YAF2: variants seen among roughly 807,000 people sequenced by gnomAD.
YAF2 encodes the protein YY1 associated factor 2, also known as YY1-associated factor 2.
A neutral mutation model predicts 20.1 loss-of-function variants in YAF2; 7 were observed. That is an observed-to-expected ratio of 0.35 (90% confidence interval 0.20 to 0.65). The LOEUF (loss-of-function observed/expected upper bound fraction) is 0.65. Among genes scored for constraint, YAF2 ranks in the 30% least tolerant of loss-of-function variants. The pLI, the probability that YAF2 is intolerant of heterozygous loss-of-function variation, is 0.69. For synonymous variants in YAF2, 74 were observed against 76.0 expected, an observed-to-expected ratio of 0.97 and a Z score of 0.14; for missense variants, 151 against 219.2, an observed-to-expected ratio of 0.69 and a Z score of 1.96.
At chr12:42,212,004 G>A (rs933430586) in intron 2 of YAF2, among the ~76,000 whole-genome samples, 2 of 151,634 alleles carry the variant, frequency 1.3e-5, no homozygotes, top group East Asian at 1.9e-4. Flanking sequence ...AGCCAAGATC[G>A]TGCCTGGGAG....
chr12:42,192,921 T>C (rs913833441), intron 2 of YAF2, among the ~76,000 whole-genome samples: 5 of 152,244 alleles, frequency 3.3e-5, no homozygotes, highest in African/African-American at 9.6e-5. Flanking sequence ...CAAATACTTA[T>C]CACCTAGTGA....
At chr12:42,213,307 A>G (rs1305502270) in intron 2 of YAF2, among the ~76,000 whole-genome samples, 1 of 152,224 alleles carries the variant, frequency 6.6e-6, no homozygotes, top group Non-Finnish European at 1.5e-5. Flanking sequence ...CAACCACATG[A>G]GTGAGCTTGC....
intron 3 of YAF2, 152 bp from the exon 4 acceptor site, chr12:42,160,978 T>C: frequency 1.6e-6 from 1 of 623,938 alleles, no homozygotes; most frequent in Non-Finnish European, 2.7e-6. Flanking sequence ...TCATAAAATG[T>C]TTCAACTCAT....
intron 2 of YAF2, among the ~76,000 whole-genome samples, chr12:42,173,117 G>T (rs867654227): frequency 6.6e-6 from 1 of 152,060 alleles, no homozygotes; most frequent in Non-Finnish European, 1.5e-5. Context: ...ACTAGAGATG[G>T]GGTCTCGCTC....
intron 2 of YAF2, among the ~76,000 whole-genome samples, chr12:42,169,320 T>C (rs189393854): frequency 8.5e-5 from 13 of 152,318 alleles, no homozygotes; most frequent in African/African-American, 3.1e-4. Flanking sequence ...TTCTCAGTCA[T>C]CTTATATCTA....
chr12:42,217,931 G>A (rs2067404020), intron 2 of YAF2, among the ~76,000 whole-genome samples: 1 of 152,096 alleles, frequency 6.6e-6, no homozygotes, highest in Non-Finnish European at 1.5e-5. Context: ...GTAGAGGGCA[G>A]AAGAAACAGC....
chr12:42,190,181 A>G (rs542868982), intron 2 of YAF2, among the ~76,000 whole-genome samples: 2 of 152,230 alleles, frequency 1.3e-5, no homozygotes, highest in South Asian at 2.1e-4. Flanking sequence ...CATCTCTACA[A>G]AAAATTTTAG....
intron 2 of YAF2, among the ~76,000 whole-genome samples, chr12:42,214,032 C>T (rs1246336599): frequency 6.6e-6 from 1 of 152,222 alleles, no homozygotes; most frequent in Admixed American, 6.5e-5. Context: ...ATTCTCCTTA[C>T]AGAAGCCACA....
At chr12:42,170,747 G>C (rs921682704) in intron 2 of YAF2, among the ~76,000 whole-genome samples, 1 of 152,124 alleles carries the variant, frequency 6.6e-6, no homozygotes. Context: ...TGGGAGTAAG[G>C]GACAGGAGGA....
chr12:42,230,261 AAAAGAAAGAGAAG>A (rs916975406), intron 2 of YAF2, among the ~76,000 whole-genome samples: 2 of 151,820 alleles, frequency 1.3e-5, no homozygotes, highest in African/African-American at 4.9e-5. Context: ...TTCAAGAAAG[AAAAGAAAGAGAAG>A]AAAGAGAAGA....
intron 2 of YAF2, chr12:42,205,834 C>A (rs1285495782): frequency 2.8e-6 from 1 of 361,098 alleles, no homozygotes; most frequent in African/African-American, 2.1e-5. Context: ...TAAATTTATC[C>A]CCAAGTACCA....
At chr12:42,224,293 T>C (rs957412333) in intron 2 of YAF2, among the ~76,000 whole-genome samples, 3 of 152,204 alleles carry the variant, frequency 2.0e-5, no homozygotes, top group African/African-American at 7.2e-5. Flanking sequence ...ATAATATATT[T>C]TAGTTTCTGA....
chr12:42,235,479 C>G (rs2068119623), intron 2 of YAF2: 1 of 1,224,174 alleles, frequency 8.2e-7, no homozygotes. Context: ...CCCTGAATTT[C>G]AGAAACCACT....
chr12:42,195,416 T>C (rs2066724145), intron 2 of YAF2, among the ~76,000 whole-genome samples: 1 of 152,124 alleles, frequency 6.6e-6, no homozygotes, highest in Non-Finnish European at 1.5e-5. Flanking sequence ...ACAAGATTTC[T>C]AAAAAGTATT....
At chr12:42,224,367 G>A (rs183813840) in intron 2 of YAF2, among the ~76,000 whole-genome samples, 3 of 151,634 alleles carry the variant, frequency 2.0e-5, no homozygotes, top group Non-Finnish European at 4.4e-5. Context: ...TTTAGGTGAA[G>A]AATACAATAT....
At chr12:42,161,381 G>A (rs1421440983) in intron 3 of YAF2, 1 of 369,696 alleles carries the variant, frequency 2.7e-6, no homozygotes, top group Non-Finnish European at 4.6e-6. Context: ...AGACACAAAT[G>A]TCTTCCAATC....
rs955515842 is a variant in YAF2 at position 42,157,990 on chromosome 12, A to G, written c.*2599T>C. On this transcript the variant is annotated 3_prime_UTR_variant, in exon 4 of 4. Coordinates refer to ENST00000534854, the MANE Select transcript of YAF2 (RefSeq NM_005748.6). ...AAACATCCAAATTCTTTTTGTATGG[A>G]ATTTGGCTAAAAGAACCCAGTGCTC... 2 of 152,134 alleles carry G rather than the reference A, an allele frequency of 1.3e-5. No individual in the cohort carries two copies. Among genetic ancestry groups the G allele is most frequent in the Non-Finnish European group, 2.9e-5 (2 of 68,008 alleles). The allele number at this position is 152,134 out of a possible 1,614,324, so 9.4% of individuals were successfully genotyped here.
rs1013012875 is a variant in YAF2, at chr12:42,159,292, A to G, written c.*1297T>C. On this transcript the variant is annotated 3_prime_UTR_variant, in exon 4 of 4. Transcript: ENST00000534854. ...CTATTTTTAAGTTCATTTACAATTC[A>G]GAAGTCTCCTTTAGGTAGATATATA... 4 of 152,146 alleles carry G rather than the reference A, an allele frequency of 2.6e-5. No individual in the cohort carries two copies. The highest frequency in any genetic ancestry group is 9.7e-5 in the African/African-American group (4 of 41,450). 9.4% of individuals were successfully genotyped at this position (152,146 alleles called of 1,614,324 possible).
intron 2 of YAF2, among the ~76,000 whole-genome samples, chr12:42,168,919 T>C (rs943470419): frequency 6.6e-6 from 1 of 152,200 alleles, no homozygotes; most frequent in Non-Finnish European, 1.5e-5. Context: ...GTAAATATTG[T>C]GGGGCTCATA....
Sources: allele counts gnomAD v4.1 joint callset (sites outside exome capture counted in the v4.1 genomes callset), GRCh38; gene constraint gnomAD v4.1.1; transcripts MANE v1.5; gene names NCBI Gene and HGNC (gene_info 2026-07-23, HGNC 2026-07-21).